Variants in FLACC1 observed in about 807,000 individuals in gnomAD.
The protein encoded by FLACC1 is flagellum associated containing coiled-coil domains 1.
FLACC1 carries 66 observed loss-of-function variants against 62.8 expected under a neutral mutation model. The ratio of observed to expected loss-of-function variants is 1.05; its 90% CI spans 0.86 to 1.29. The LOEUF is 1.29. Ranked by LOEUF, FLACC1 falls within the 50% of genes most tolerant of loss-of-function variation. The pLI is 0.00. For synonymous variants in FLACC1, 156 were observed against 161.0 expected, an observed-to-expected ratio of 0.97 and a Z score of 0.24; for missense variants, 452 against 489.1, an observed-to-expected ratio of 0.92 and a Z score of 0.71.
chr2:201,353,471 GAGA>G (rs1172812280), intron 1 of FLACC1, among the ~76,000 whole-genome samples: 2 of 152,244 alleles, frequency 1.3e-5, no homozygotes, highest in African/African-American at 4.8e-5. Context: ...GGAGCACATT[GAGA>G]AGTAGAACTG....
chr2:201,328,966 T>G (rs993664420), intron 9 of FLACC1, among the ~76,000 whole-genome samples: 1 of 152,170 alleles, frequency 6.6e-6, no homozygotes, highest in Admixed American at 6.5e-5. Flanking sequence ...TTAATGTGTT[T>G]GACAAACGGA....
At chr2:201,352,202 T>C (rs1275202356) in intron 1 of FLACC1, 3 of 152,118 alleles carry the variant, frequency 2.0e-5, no homozygotes, top group African/African-American at 7.2e-5. Flanking sequence ...GGAAGAGAAA[T>C]TCCCACAGCA....
intron 9 of FLACC1, among the ~76,000 whole-genome samples, chr2:201,316,061 A>G (rs976430489): frequency 3.3e-5 from 5 of 152,170 alleles, no homozygotes; most frequent in African/African-American, 1.2e-4. Context: ...AAGGCAGTGC[A>G]AAGAGGAAAG....
At chr2:201,290,727 G>A (rs1474504795) in intron 12 of FLACC1, among the ~76,000 whole-genome samples, 1 of 152,178 alleles carries the variant, frequency 6.6e-6, no homozygotes, top group Non-Finnish European at 1.5e-5. Flanking sequence ...GAAGCAGGGC[G>A]AGGCATCACA....
intron 7 of FLACC1, among the ~76,000 whole-genome samples, chr2:201,336,586 AACTGCTTTCCAC>A (rs1950700480): frequency 6.6e-6 from 1 of 152,184 alleles, no homozygotes; most frequent in Admixed American, 6.5e-5. Context: ...GAAATCTCCA[AACTGCTTTCCAC>A]AGTGGCTGAA....
At chr2:201,330,898 C>T (rs1006273463) in intron 7 of FLACC1, 65 bp from the exon 8 acceptor site, 20 of 1,319,904 alleles carry the variant, frequency 1.5e-5, no homozygotes, top group Non-Finnish European at 1.7e-5. Context: ...AGCTGTTACC[C>T]TGATCTGATC....
At chr2:201,321,937 C>T (rs1345735445) in intron 9 of FLACC1, among the ~76,000 whole-genome samples, 1 of 152,168 alleles carries the variant, frequency 6.6e-6, no homozygotes, top group African/African-American at 2.4e-5. Flanking sequence ...ACCTCCCCTA[C>T]TGGCCTGAAG....
intron 9 of FLACC1, among the ~76,000 whole-genome samples, chr2:201,330,014 A>C (rs919231658): frequency 6.6e-6 from 1 of 152,230 alleles, no homozygotes; most frequent in Non-Finnish European, 1.5e-5. Context: ...AAAATTTTAG[A>C]ACCCAATGGC....
chr2:201,330,580 A>T (rs1254523205), intron 8 of FLACC1, 58 bp from the exon 9 acceptor site: 1 of 1,579,998 alleles, frequency 6.3e-7, no homozygotes, highest in East Asian at 2.2e-5. Context: ...ACATTTTCAA[A>T]TTCAAATGTG....
In FLACC1 at chr2:201,342,393, T is replaced by C. The variant is rs1239591079; in HGVS notation, c.501A>G (p.Lys167=). 1 of 1,614,162 alleles carries C rather than the reference T, an allele frequency of 6.2e-7. No individual in the cohort carries two copies. Among genetic ancestry groups the C allele is most frequent in the Admixed American group, 1.7e-5 (1 of 60,028 alleles). ...SEMDLRCAEM[K]QNFENKNREL... is the part of the protein sequence containing the mutation. ...ACCTGTTCTTGTTTTCAAAGTTCTG[T>C]TTCATCTCAGCACAGCGGAGATCCA... The change falls in exon 7 of 15, where the codon AAA becomes AAG. Residue 167 remains lysine (K), a synonymous_variant. Transcript: ENST00000392257.
chr2:201,303,680 A>G (rs1159878002), intron 11 of FLACC1, among the ~76,000 whole-genome samples: 1 of 152,234 alleles, frequency 6.6e-6, no homozygotes, highest in African/African-American at 2.4e-5. Context: ...AAAATCCTCA[A>G]TAAAATACTG....
intron 1 of FLACC1, among the ~76,000 whole-genome samples, chr2:201,356,632 A>G (rs1263517955): frequency 2.0e-5 from 3 of 152,250 alleles, no homozygotes; most frequent in Non-Finnish European, 2.9e-5. Context: ...GAAGCATAAT[A>G]GATTTTTTAA....
At chr2:201,291,280 A>G (rs1011974935) in intron 12 of FLACC1, among the ~76,000 whole-genome samples, 11 of 152,218 alleles carry the variant, frequency 7.2e-5, no homozygotes, top group Middle Eastern at 3.2e-3. Context: ...ACCCCCCAGT[A>G]GGGGCAGACT....
Position 201,309,239 on chromosome 2 carries a change from A to C in FLACC1, c.687T>G (p.Tyr229Ter). 1 of 1,613,252 alleles carries C rather than the reference A, an allele frequency of 6.2e-7. No homozygotes were observed. ...NMFRTYQDSIYDEMEEKWSKQ... is the reference protein window; with the variant it reads ...NMFRTYQDSI The stretch of plus-strand genomic sequence containing the variant: ...TTGACCACTTCTCTTCCATTTCATC[A>C]TAAATACTGTCCTGGGGAGGTACAA... Residue 229 changes from tyrosine to a stop codon, truncating the protein, a stop_gained, in exon 10 of 15, where the codon TAT becomes TAG. Coordinates refer to ENST00000392257, the MANE Select transcript of FLACC1 (RefSeq NM_001127391.3). LOFTEE classifies it high-confidence loss of function.
chr2:201,307,483 C>T, intron 11 of FLACC1, 36 bp downstream of exon 11: 2 of 1,516,272 alleles, frequency 1.3e-6, no homozygotes, highest in South Asian at 1.1e-5. Context: ...ACCTGGACTA[C>T]CCATTCAATC....
chr2:201,349,347 C>T, intron 3 of FLACC1, among the ~76,000 whole-genome samples: 1 of 152,338 alleles, frequency 6.6e-6, no homozygotes, highest in East Asian at 1.9e-4. Context: ...CCTTTTGCCC[C>T]CTTTACACAG....
chr2:201,290,568 T>C (rs1338318640), intron 12 of FLACC1, among the ~76,000 whole-genome samples: 1 of 152,122 alleles, frequency 6.6e-6, no homozygotes, highest in Admixed American at 6.5e-5. Context: ...GACAGCCGAA[T>C]AGGAACAGCT....
intron 9 of FLACC1, among the ~76,000 whole-genome samples, chr2:201,329,025 T>C (rs1950545468): frequency 6.6e-6 from 1 of 152,196 alleles, no homozygotes; most frequent in Admixed American, 6.5e-5. Context: ...CCTGTCCCTT[T>C]GTAGTAAGCC....
chr2:201,315,511 C>A (rs150626513), intron 9 of FLACC1, among the ~76,000 whole-genome samples: 1 of 151,950 alleles, frequency 6.6e-6, no homozygotes, highest in Non-Finnish European at 1.5e-5. Flanking sequence ...TATCACAATC[C>A]TAAATATATA....
Sources: gnomAD v4.1 joint callset for allele counts (sites outside exome capture counted in the v4.1 genomes callset) on GRCh38, gnomAD v4.1.1 for gene constraint, MANE v1.5 for transcripts, NCBI Gene and HGNC (gene_info 2026-07-23, HGNC 2026-07-21) for gene names.